The following KCNIP4 variants were observed in gnomAD, a reference collection of about 807,000 sequenced individuals.
The protein encoded by KCNIP4 is Kv channel-interacting protein 4.
KCNIP4 carries 12 observed loss-of-function variants against 34.0 expected under a neutral mutation model. The observed-to-expected ratio is 0.35, with a 90% CI of 0.23 to 0.57. The LOEUF (loss-of-function observed/expected upper bound fraction) is 0.57. Among genes scored for constraint, KCNIP4 ranks in the 20% least tolerant of loss-of-function variants. KCNIP4 has a pLI of 0.83. For synonymous variants in KCNIP4, 124 were observed against 102.2 expected, an observed-to-expected ratio of 1.21 and a Z score of -1.29; for missense variants, 238 against 311.7, an observed-to-expected ratio of 0.76 and a Z score of 1.78.
At chr4:21,067,503 C>A (rs1306163055) in intron 1 of KCNIP4, among the ~76,000 whole-genome samples, 1 of 152,126 alleles carries the variant, frequency 6.6e-6, no homozygotes, top group East Asian at 1.9e-4. Flanking sequence ...TCTGGGTCTG[C>A]CCGGCATTAG....
At chr4:21,045,731 T>C (rs906271765) in intron 1 of KCNIP4, among the ~76,000 whole-genome samples, 1 of 152,030 alleles carries the variant, frequency 6.6e-6, no homozygotes. Flanking sequence ...CATGGAAAAA[T>C]AAACAGAGAA....
chr4:21,418,496 C>CA (rs145703375), intron 1 of KCNIP4, among the ~76,000 whole-genome samples: 43,266 of 151,268 alleles, frequency 0.29, 7,065 homozygotes, highest in Non-Finnish European at 0.38. Flanking sequence ...GACTCCATTT[C>CA]AAAAAAAGAA....
chr4:21,397,560 A>T (rs140378218), intron 1 of KCNIP4, among the ~76,000 whole-genome samples: 1 of 152,318 alleles, frequency 6.6e-6, no homozygotes, highest in Non-Finnish European at 1.5e-5. Context: ...TTTAAAAAGC[A>T]TACCAAATCA....
intron 1 of KCNIP4, among the ~76,000 whole-genome samples, chr4:21,752,375 G>C (rs1258766427): frequency 2.0e-5 from 3 of 152,106 alleles, no homozygotes; most frequent in South Asian, 2.1e-4. Flanking sequence ...AGGAAAGAGA[G>C]AGTGAGCAAG....
At chr4:20,781,731 G>C (rs1412278371) in intron 3 of KCNIP4, among the ~76,000 whole-genome samples, 1 of 152,128 alleles carries the variant, frequency 6.6e-6, no homozygotes, top group Non-Finnish European at 1.5e-5. Flanking sequence ...TTCAAGATGA[G>C]ATTTGGGTGG....
chr4:21,326,445 A>G (rs1343268818), intron 1 of KCNIP4, among the ~76,000 whole-genome samples: 1 of 146,332 alleles, frequency 6.8e-6, no homozygotes, highest in Non-Finnish European at 1.5e-5. Flanking sequence ...TTCCATTTGC[A>G]TAAAACATCT....
intron 1 of KCNIP4, among the ~76,000 whole-genome samples, chr4:21,292,186 T>C (rs1467906503): frequency 1.3e-5 from 2 of 152,176 alleles, no homozygotes; most frequent in Non-Finnish European, 2.9e-5. Context: ...TACAAATTAT[T>C]TGGATCGATA....
intron 1 of KCNIP4, among the ~76,000 whole-genome samples, chr4:20,996,779 C>A (rs922803890): frequency 2.0e-5 from 3 of 151,648 alleles, no homozygotes; most frequent in South Asian, 2.1e-4. Context: ...TTTTTAAATG[C>A]CTCTTAGCAC....
intron 1 of KCNIP4, among the ~76,000 whole-genome samples, chr4:21,194,115 T>A (rs1011019595): frequency 1.3e-4 from 20 of 152,140 alleles, no homozygotes; most frequent in African/African-American, 4.8e-4. Flanking sequence ...ATCAAGTGGG[T>A]TTTGTTTTCT....
chr4:21,852,040 A>T (rs925301180), intron 1 of KCNIP4: 5 of 147,644 alleles, frequency 3.4e-5, no homozygotes, highest in Non-Finnish European at 7.4e-5. Context: ...GTGTGTTCAC[A>T]GATTATAGAG....
chr4:21,158,821 TGAA>T (rs932301517), intron 1 of KCNIP4, among the ~76,000 whole-genome samples: 4 of 152,158 alleles, frequency 2.6e-5, no homozygotes, highest in Non-Finnish European at 4.4e-5. Flanking sequence ...GTATTGAGCA[TGAA>T]GAAGATATAT....
chr4:21,448,664 C>T (rs1020961715), intron 1 of KCNIP4, among the ~76,000 whole-genome samples: 2 of 152,096 alleles, frequency 1.3e-5, no homozygotes, highest in African/African-American at 4.8e-5. Flanking sequence ...TTATGAGATT[C>T]AGTATCAGAA....
chr4:21,507,629 T>C (rs1478996566), intron 1 of KCNIP4, among the ~76,000 whole-genome samples: 4 of 152,126 alleles, frequency 2.6e-5, no homozygotes, highest in Non-Finnish European at 5.9e-5. Flanking sequence ...TGTCACTAGG[T>C]GGTGTTGGAG....
intron 1 of KCNIP4, among the ~76,000 whole-genome samples, chr4:21,745,051 C>T (rs1285231386): frequency 6.6e-6 from 1 of 152,210 alleles, no homozygotes; most frequent in Non-Finnish European, 1.5e-5. Flanking sequence ...GCAGAGATGG[C>T]ATTTTTGATT....
chr4:20,795,901 T>A (rs1713390857), intron 3 of KCNIP4, among the ~76,000 whole-genome samples: 1 of 152,204 alleles, frequency 6.6e-6, no homozygotes, highest in South Asian at 2.1e-4. Flanking sequence ...GGGCTCAACA[T>A]TACAGAAGAA....
intron 3 of KCNIP4, among the ~76,000 whole-genome samples, chr4:20,810,846 G>A (rs1241289134): frequency 1.3e-5 from 2 of 152,012 alleles, no homozygotes; most frequent in Non-Finnish European, 2.9e-5. Context: ...ATTTCAACTG[G>A]AACTTTGGTC....
chr4:21,311,872 T>C (rs769668982), intron 1 of KCNIP4, among the ~76,000 whole-genome samples: 1 of 152,126 alleles, frequency 6.6e-6, no homozygotes, highest in African/African-American at 2.4e-5. Flanking sequence ...GGTCCTATCA[T>C]CATTTCCTTG....
chr4:21,245,876 A>G (rs930539351), intron 1 of KCNIP4, among the ~76,000 whole-genome samples: 8 of 152,212 alleles, frequency 5.3e-5, no homozygotes, highest in African/African-American at 1.7e-4. Context: ...CTCTATTGAT[A>G]CTATAAATTA....
intron 1 of KCNIP4, among the ~76,000 whole-genome samples, chr4:21,004,166 A>G (rs1483610560): frequency 6.6e-6 from 1 of 152,222 alleles, no homozygotes; most frequent in African/African-American, 2.4e-5. Flanking sequence ...AGACTAAAAA[A>G]GTGAGATGAG....
Sources: allele counts gnomAD v4.1 joint callset (sites outside exome capture counted in the v4.1 genomes callset), GRCh38; gene constraint gnomAD v4.1.1; transcripts MANE v1.5; gene names NCBI Gene and HGNC (gene_info 2026-07-23, HGNC 2026-07-21).